Variants in WIPI2 observed in about 807,000 individuals in gnomAD.
WIPI2 encodes WD repeat domain, phosphoinositide interacting 2.
In WIPI2, 28 loss-of-function variants were observed where a neutral mutation model predicts 52.3. The ratio of observed to expected loss-of-function variants is 0.54; its 90% CI spans 0.40 to 0.73. The LOEUF (loss-of-function observed/expected upper bound fraction) is 0.73. WIPI2 is among the 30% of genes least tolerant of loss of function. The pLI is 0.00. For synonymous variants in WIPI2, 268 were observed against 245.0 expected (o/e 1.09, Z -0.88); for missense variants, 506 against 602.9 (o/e 0.84, Z 1.68).
In WIPI2 at chr7:5,232,917, G is replaced by A. The variant is rs1479166558; in HGVS notation, c.*1970G>A. 2 of 152,290 alleles carry A rather than the reference G, an allele frequency of 1.3e-5. No individual in the cohort carries two copies. Among genetic ancestry groups the A allele is most frequent in the African/African-American group, 4.8e-5 (2 of 41,460 alleles). The allele number at this position is 152,290 out of a possible 1,614,324, so 9.4% of individuals were successfully genotyped here. A position where few individuals can be genotyped will look rare whatever the true frequency, so the allele number is the denominator to read the frequency against. The stretch of plus-strand genomic sequence containing the variant: ...TCTCTTTTGTCTTTCTTTGGGATTG[G>A]TAGTATAGAAGATGCTGGGAATTGT... On this transcript the variant is annotated 3_prime_UTR_variant, in exon 13 of 13. Transcript: ENST00000288828.
chr7:5,227,488 G>T lies in WIPI2; in HGVS notation c.1013+144G>T. 1 of 1,190,098 alleles carries T rather than the reference G, an allele frequency of 8.4e-7. No homozygotes were observed. 73.7% of individuals were successfully genotyped at this position (1,190,098 alleles called of 1,614,324 possible). On this transcript the variant is annotated intron_variant, in intron 10 of 12. Coordinates refer to ENST00000288828, the MANE Select transcript of WIPI2 (RefSeq NM_015610.4). This position sits in a 1 kb window ranked among gnomAD's most constrained non-coding sequence, Gnocchi z 8.1. ...CTCCATCGAGAGTTGTCGGGGATGGGAGGTCCCCTGGCAGGCACTAGGCTT... is the reference window on the plus strand; with the variant it reads ...CTCCATCGAGAGTTGTCGGGGATGGTAGGTCCCCTGGCAGGCACTAGGCTT...
chr7:5,195,551 T>C (rs913163585), intron 2 of WIPI2, among the ~76,000 whole-genome samples: 4 of 152,228 alleles, frequency 2.6e-5, no homozygotes, highest in African/African-American at 9.6e-5. Flanking sequence ...TAAACATTTT[T>C]TGGCAATAAA....
intron 3 of WIPI2, among the ~76,000 whole-genome samples, chr7:5,206,792 C>G (rs1051114682): frequency 6.6e-6 from 1 of 152,060 alleles, no homozygotes; most frequent in Non-Finnish European, 1.5e-5. Flanking sequence ...TTTTTTGAGA[C>G]AGCATCTAGC....
At chr7:5,206,179 CTG>C (rs1268602079) in intron 3 of WIPI2, among the ~76,000 whole-genome samples, 1 of 152,116 alleles carries the variant, frequency 6.6e-6, no homozygotes, top group Non-Finnish European at 1.5e-5. Flanking sequence ...CTGTAATACT[CTG>C]GGGTCATGTT....
rs1441366192 is a variant in WIPI2 at position 5,228,144 on chromosome 7, G to A, written c.1054G>A (p.Gly352Arg). Residue 352 changes from glycine (G) to arginine (R), a missense_variant, in exon 11 of 13, where the codon GGG (glycine) becomes AGG (arginine). Transcript: ENST00000288828. ...IPRLLVGAAD[G>R]YLYMYNLDPQ... is the part of the protein sequence containing the mutation. ...GCGGTTGTTGGTGGGTGCCGCCGAC[G>A]GGTACCTGTACATGTACAACCTGGA... 2.5e-6 allele frequency: 4 copies of A among 1,613,900 alleles called. No individual in the cohort carries two copies. The highest frequency in any genetic ancestry group is 3.4e-6 in the Non-Finnish European group (4 of 1,179,988).
At chr7:5,191,704 G>A (rs1053021815) in intron 1 of WIPI2, among the ~76,000 whole-genome samples, 1 of 152,148 alleles carries the variant, frequency 6.6e-6, no homozygotes, top group East Asian at 1.9e-4. Flanking sequence ...GGGGCATTTG[G>A]CATCTTACTA....
intron 8 of WIPI2, chr7:5,222,927 T>C (rs1783216639): frequency 1.4e-5 from 6 of 420,658 alleles, no homozygotes; most frequent in South Asian, 1.3e-4. Context: ...CGCAACCAGG[T>C]GGGCCCTCCA....
chr7:5,213,475 TC>T (rs1261330416), intron 3 of WIPI2: 1 of 152,352 alleles, frequency 6.6e-6, no homozygotes, highest in Admixed American at 6.5e-5. Context: ...GCTGCAGCTT[TC>T]CCATGTTTCA....
rs1783747719 is a variant in WIPI2 at position 5,232,047 on chromosome 7, T to A, written c.*1100T>A. Reference sequence around the variant, plus strand: ...CTCGCTTCCCTTCCCTTTTCATATTTACAGAATTAAAACAACCTCAAGTAC... The same window carrying A: ...CTCGCTTCCCTTCCCTTTTCATATTAACAGAATTAAAACAACCTCAAGTAC... On this transcript the variant is annotated 3_prime_UTR_variant, in exon 13 of 13. Transcript: ENST00000288828. The A allele has an allele frequency of 2.5e-6, 1 of 397,812 alleles. No individual in the cohort carries two copies. Among genetic ancestry groups the A allele is most frequent in the Non-Finnish European group, 4.4e-6 (1 of 225,868 alleles). 24.6% of individuals were successfully genotyped at this position (397,812 alleles called of 1,614,324 possible). A position where few individuals can be genotyped will look rare whatever the true frequency, so the allele number is the denominator to read the frequency against.
chr7:5,212,800 G>A (rs1173340182), intron 3 of WIPI2, among the ~76,000 whole-genome samples: 3 of 152,346 alleles, frequency 2.0e-5, no homozygotes, highest in African/African-American at 4.8e-5. Context: ...TTACAGGTGC[G>A]AAGCACCGCA....
At chr7:5,224,217 G>C (rs1461851846) in intron 8 of WIPI2, among the ~76,000 whole-genome samples, 1 of 152,228 alleles carries the variant, frequency 6.6e-6, no homozygotes, top group Non-Finnish European at 1.5e-5. Flanking sequence ...ATCCACCAGG[G>C]TCTTGCGTGA....
chr7:5,204,770 A>G (rs1023788371), intron 3 of WIPI2, among the ~76,000 whole-genome samples: 9 of 151,380 alleles, frequency 5.9e-5, no homozygotes, highest in East Asian at 1.9e-4. Flanking sequence ...TGTAACCTCA[A>G]CCTCCCGGGC....
intron 2 of WIPI2, among the ~76,000 whole-genome samples, chr7:5,198,300 GA>G (rs1325840069): frequency 6.6e-6 from 1 of 151,420 alleles, no homozygotes; most frequent in Admixed American, 6.6e-5. Context: ...TTAAAATTTA[GA>G]AAATTCACTT....
At chr7:5,216,197 A>G (rs774085387) in intron 4 of WIPI2, 5 of 187,776 alleles carry the variant, frequency 2.7e-5, no homozygotes, top group Admixed American at 5.2e-5. Context: ...TGTGAAGCCA[A>G]CGCAGGGGTG....
In WIPI2 at chr7:5,231,016, G is replaced by A. The variant is rs1783702110; in HGVS notation, c.*69G>A. 5 of 1,382,380 alleles carry A rather than the reference G, an allele frequency of 3.6e-6. No individual in the cohort carries two copies. The highest frequency in any genetic ancestry group is 4.9e-6 in the Non-Finnish European group (5 of 1,011,998). 85.6% of individuals were successfully genotyped at this position (1,382,380 alleles called of 1,614,324 possible). ...TTCACAGAGGACTTTGTGCATTGCT[G>A]CTATGAACTTTGACCTGAGTCGGGG... On this transcript the variant is annotated 3_prime_UTR_variant, in exon 13 of 13. Transcript: ENST00000288828.
At chr7:5,190,560 C>A in intron 1 of WIPI2, 67 bp downstream of exon 1, 3 of 1,335,390 alleles carry the variant, frequency 2.2e-6, no homozygotes, top group South Asian at 1.8e-5. Context: ...GGGGGAGGGC[C>A]TCGCTGCCAA....
intron 8 of WIPI2, among the ~76,000 whole-genome samples, chr7:5,225,081 C>T (rs1783357838): frequency 6.6e-6 from 1 of 151,124 alleles, no homozygotes; most frequent in Non-Finnish European, 1.5e-5. Flanking sequence ...TTTGGGATGC[C>T]GATTGATTTT....
rs1338242369 is a variant in WIPI2 at position 5,232,871 on chromosome 7, A to G, written c.*1924A>G. On this transcript the variant is annotated 3_prime_UTR_variant, in exon 13 of 13. Coordinates refer to ENST00000288828, the MANE Select transcript of WIPI2 (RefSeq NM_015610.4). ...GCCTGCCTGTGGTGGTGATTTGGAG[A>G]CTCAAATTTCCTTTGCCAGGTCTCT... is the stretch of plus-strand genomic sequence containing the variant. 2.0e-5 allele frequency: 3 copies of G among 152,278 alleles called. No individual in the cohort carries two copies. Among genetic ancestry groups the G allele is most frequent in the Admixed American group, 6.6e-5 (1 of 15,264 alleles). 9.4% of individuals were successfully genotyped at this position (152,278 alleles called of 1,614,324 possible).
chr7:5,206,363 T>A (rs1782296456), intron 3 of WIPI2, among the ~76,000 whole-genome samples: 2 of 152,190 alleles, frequency 1.3e-5, no homozygotes, highest in South Asian at 4.1e-4. Context: ...AAAAAATCAT[T>A]GAAGCAAAAT....
Sources: allele counts gnomAD v4.1 joint callset (sites outside exome capture counted in the v4.1 genomes callset), GRCh38; gene constraint gnomAD v4.1.1; non-coding constraint Gnocchi (gnomAD v3.1); transcripts MANE v1.5; gene names NCBI Gene and HGNC (gene_info 2026-07-23, HGNC 2026-07-21).